The following HS6ST3 variants were observed in gnomAD, a reference collection of about 807,000 sequenced individuals.
HS6ST3 encodes heparan sulfate 6-O-sulfotransferase 3.
In HS6ST3, 12 loss-of-function variants were observed where a neutral mutation model predicts 36.7. That is an observed-to-expected ratio of 0.33 (90% CI 0.21 to 0.53). The LOEUF is 0.53. HS6ST3 is among the 20% of genes least tolerant of loss of function. The pLI is 0.95. For synonymous variants in HS6ST3, 240 were observed against 257.5 expected (o/e 0.93, Z 0.65); for missense variants, 584 against 640.9 (o/e 0.91, Z 0.96).
intron 1 of HS6ST3, among the ~76,000 whole-genome samples, chr13:96,412,842 T>A (rs1287475842): frequency 2.0e-5 from 3 of 149,250 alleles, no homozygotes; most frequent in Non-Finnish European, 4.5e-5. Context: ...TACAGTATAT[T>A]ATATATATAT....
In HS6ST3 at chr13:96,173,760, G is replaced by A. The variant is rs891722279; in HGVS notation, c.707+82191G>A. Among the ~76,000 whole-genome samples, 18 of 150,872 alleles carry A rather than the reference G, an allele frequency of 1.2e-4. No homozygotes were observed. The South Asian group carries it at 1.9e-3, about 16-fold the overall frequency. On this transcript the variant is annotated intron_variant, in intron 1 of 1. Coordinates refer to ENST00000376705, the MANE Select transcript of HS6ST3 (RefSeq NM_153456.4). Reference sequence around the variant, plus strand: ...AGAGATCATTTTCATTTTAATTGGTGCCTAGTAAATAAGAAAAAAAATCAA... The same window carrying A: ...AGAGATCATTTTCATTTTAATTGGTACCTAGTAAATAAGAAAAAAAATCAA...
chr13:96,236,160 C>T lies in HS6ST3; in HGVS notation c.707+144591C>T, dbSNP rs914876627. Among the ~76,000 whole-genome samples the T allele has an allele frequency of 1.0e-3, 156 of 152,120 alleles. 1 individual carries two copies. Among genetic ancestry groups the T allele is most frequent in the South Asian group, 2.1e-4 (1 of 4,816 alleles). ...AGACTCAGCAAGTCAGCTCATTTTA[C>T]GGCTGCTTTTTCTAGTCATGCTGTT... On this transcript the variant is annotated intron_variant, in intron 1 of 1. Transcript: ENST00000376705.
intron 1 of HS6ST3, among the ~76,000 whole-genome samples, chr13:96,831,938 G>T: frequency 1.1e-5 from 1 of 88,252 alleles, no homozygotes; most frequent in Non-Finnish European, 1.9e-5. Context: ...CTGGGTGACA[G>T]AGCAAGACTC....
chr13:96,372,494 C>T (rs1211279841), intron 1 of HS6ST3, among the ~76,000 whole-genome samples: 4 of 151,998 alleles, frequency 2.6e-5, no homozygotes, highest in Non-Finnish European at 5.9e-5. Context: ...GATGTAGTCC[C>T]ATTTGTTTCT....
rs1054283825 is a variant in HS6ST3 at position 96,593,987 on chromosome 13, G to A, written c.708-238503G>A. The stretch of plus-strand genomic sequence containing the variant: ...TTTTTTTTTTTTGAGGTGGAATTTC[G>A]CTCTTGTTTCCCAGGCTGGAGTGCA... On this transcript the variant is annotated intron_variant, in intron 1 of 1. Coordinates refer to ENST00000376705, the MANE Select transcript of HS6ST3 (RefSeq NM_153456.4). Among the ~76,000 whole-genome samples the A allele has an allele frequency of 2.7e-5, 4 of 149,760 alleles. No individual in the cohort carries two copies. The East Asian group carries it at 5.9e-4, about 22-fold the overall frequency.
chr13:96,590,772 A>G (rs760431421), intron 1 of HS6ST3, among the ~76,000 whole-genome samples: 3 of 152,110 alleles, frequency 2.0e-5, no homozygotes, highest in Non-Finnish European at 4.4e-5. Context: ...ACCTAGTCCA[A>G]TGCCCTGGAG....
At chr13:96,641,484 A>T (rs1308022097) in intron 1 of HS6ST3, among the ~76,000 whole-genome samples, 1 of 151,816 alleles carries the variant, frequency 6.6e-6, no homozygotes, top group Non-Finnish European at 1.5e-5. Flanking sequence ...CTTAATTGAA[A>T]CATTCACTCC....
chr13:96,566,008 A>G (rs948634258), intron 1 of HS6ST3, among the ~76,000 whole-genome samples: 1 of 152,180 alleles, frequency 6.6e-6, no homozygotes, highest in Non-Finnish European at 1.5e-5. Context: ...AAGTATTCTC[A>G]TAGAGATAAA....
At chr13:96,649,929 G>A (rs533150545) in intron 1 of HS6ST3, among the ~76,000 whole-genome samples, 41 of 151,904 alleles carry the variant, frequency 2.7e-4, no homozygotes, top group Non-Finnish European at 5.4e-4. Flanking sequence ...TTACTCTGCA[G>A]TAGCTATGCT....
intron 1 of HS6ST3, among the ~76,000 whole-genome samples, chr13:96,508,243 A>G (rs1389637990): frequency 1.3e-5 from 2 of 151,844 alleles, no homozygotes; most frequent in Non-Finnish European, 2.9e-5. Context: ...AGACTGCTGA[A>G]CTCAAGTCTT....
At chr13:96,298,830 C>T (rs928226923) in intron 1 of HS6ST3, among the ~76,000 whole-genome samples, 5 of 152,094 alleles carry the variant, frequency 3.3e-5, no homozygotes, top group Non-Finnish European at 7.3e-5. Flanking sequence ...TGCAGCTTTA[C>T]TTCTACCAAA....
intron 1 of HS6ST3, among the ~76,000 whole-genome samples, chr13:96,689,925 G>C (rs1362684967): frequency 6.6e-6 from 1 of 151,982 alleles, no homozygotes; most frequent in Non-Finnish European, 1.5e-5. Context: ...ACAGCAGAAG[G>C]GGGTAGAACA....
rs2056709119 is a variant in HS6ST3 at position 96,679,039 on chromosome 13, T to A, written c.708-153451T>A. Reference sequence around the variant, plus strand: ...TTATATGTATTTCCTGAGCTGGTCATGGAAGAAAGAAGTCACTCCTGTAGG... The same window carrying A: ...TTATATGTATTTCCTGAGCTGGTCAAGGAAGAAAGAAGTCACTCCTGTAGG... On this transcript the variant is annotated intron_variant, in intron 1 of 1. Coordinates refer to ENST00000376705, the MANE Select transcript of HS6ST3 (RefSeq NM_153456.4). Among the ~76,000 whole-genome samples, 3 of 150,680 alleles carry A rather than the reference T, an allele frequency of 2.0e-5. No homozygotes were observed. The South Asian group carries it at 6.3e-4, about 32-fold the overall frequency.
intron 1 of HS6ST3, among the ~76,000 whole-genome samples, chr13:96,598,795 A>G (rs572636594): frequency 7.2e-4 from 109 of 152,212 alleles, no homozygotes; most frequent in African/African-American, 2.5e-3. Flanking sequence ...ATTCAGTATG[A>G]TATTAACTTT....
intron 1 of HS6ST3, among the ~76,000 whole-genome samples, chr13:96,300,047 CTTTTTTT>C (rs11350737): frequency 1.3e-5 from 1 of 74,522 alleles, no homozygotes; most frequent in African/African-American, 5.5e-5. Flanking sequence ...AAGTGCTACA[CTTTTTTT>C]TTTTTTTTTT....
chr13:96,272,628 A>T (rs1566308175), intron 1 of HS6ST3, among the ~76,000 whole-genome samples: 1 of 152,036 alleles, frequency 6.6e-6, no homozygotes, highest in Non-Finnish European at 1.5e-5. Flanking sequence ...TATGTAAGGG[A>T]TATTGCTAGT....
At position 96,833,231 on chromosome 13, in the gene HS6ST3, G is replaced by A; in HGVS notation, c.*33G>A. 6.8e-7 allele frequency: 1 copy of A among 1,460,930 alleles called. No individual in the cohort carries two copies. The highest frequency in any genetic ancestry group is 2.4e-5 in the East Asian group (1 of 41,522). The allele number at this position is 1,460,930 out of a possible 1,614,324, so 90.5% of individuals were successfully genotyped here. A position where few individuals can be genotyped will look rare whatever the true frequency, so the allele number is the denominator to read the frequency against. On this transcript the variant is annotated 3_prime_UTR_variant, in exon 2 of 2. Transcript: ENST00000376705. ...CCCTCTCCTCTCTCAGGAGGGGGAG[G>A]GTGAGCAGGCACATTGACTTTCTGT...
chr13:96,408,461 A>C (rs561250944), intron 1 of HS6ST3, among the ~76,000 whole-genome samples: 3 of 152,304 alleles, frequency 2.0e-5, no homozygotes, highest in Admixed American at 2.0e-4. Flanking sequence ...ACATATAATA[A>C]ATGAAAATAG....
rs1779578146 is a variant in HS6ST3, at chr13:96,336,556, G to A, written c.707+244987G>A. Reference sequence around the variant, plus strand: ...GATTAGGACACCAATATGTACAGGGGGAAGAGAATATGAAGATACCAGAAG... The same window carrying A: ...GATTAGGACACCAATATGTACAGGGAGAAGAGAATATGAAGATACCAGAAG... On this transcript the variant is annotated intron_variant, in intron 1 of 1. Transcript: ENST00000376705. Among the ~76,000 whole-genome samples, 6 of 152,150 alleles carry A rather than the reference G, an allele frequency of 3.9e-5. No individual in the cohort carries two copies. The South Asian group carries it at 1.2e-3, about 32-fold the overall frequency.
Sources: allele counts gnomAD v4.1 joint callset (sites outside exome capture counted in the v4.1 genomes callset), GRCh38; gene constraint gnomAD v4.1.1; transcripts MANE v1.5; gene names NCBI Gene and HGNC (gene_info 2026-07-23, HGNC 2026-07-21).